Variants in ZNF292 observed in about 807,000 individuals in gnomAD.
ZNF292 encodes the protein zinc finger protein 292, also known as 16 zinc-finger domain protein.
ZNF292 carries 26 observed loss-of-function variants against 217.9 expected under a neutral mutation model. The ratio of observed to expected loss-of-function variants is 0.12; its 90% CI spans 0.09 to 0.17. The LOEUF is 0.17. Ranked by LOEUF, ZNF292 falls within the 10% of genes least tolerant of loss-of-function variation. ZNF292 has a pLI of 1.00. For synonymous variants in ZNF292, 1,257 were observed against 1,124.1 expected (o/e 1.12, Z -2.37); for missense variants, 2,904 against 3,175.2 (o/e 0.91, Z 2.05).
rs150291644 is a variant in ZNF292 at position 87,249,372 on chromosome 6, C to T, written c.1020+3728C>T. The T allele has an allele frequency of 7.7e-5, 33 of 428,998 alleles. 1 individual carries two copies. Among genetic ancestry groups the T allele is most frequent in the African/African-American group, 5.7e-4 (28 of 49,170 alleles). The allele number at this position is 428,998 out of a possible 1,614,324, so 26.6% of individuals were successfully genotyped here. A position where few individuals can be genotyped will look rare whatever the true frequency, so the allele number is the denominator to read the frequency against. On this transcript the variant is annotated intron_variant, in intron 7 of 7. Coordinates refer to ENST00000369577, the MANE Select transcript of ZNF292 (RefSeq NM_015021.3). Reference sequence around the variant, plus strand: ...CAACTCCTGGGCTCAAGTAATTCTCCGTGCCTTGGCCTTCCAAAGTGGTGG... The same window carrying T: ...CAACTCCTGGGCTCAAGTAATTCTCTGTGCCTTGGCCTTCCAAAGTGGTGG...
At chr6:87,221,182 C>T (rs1773067451) in intron 4 of ZNF292, among the ~76,000 whole-genome samples, 1 of 152,040 alleles carries the variant, frequency 6.6e-6, no homozygotes, top group Non-Finnish European at 1.5e-5. Context: ...GGACAGGACT[C>T]AAAGATACTG....
intron 1 of ZNF292, among the ~76,000 whole-genome samples, chr6:87,176,754 C>T (rs919468094): frequency 3.3e-5 from 5 of 152,156 alleles, no homozygotes; most frequent in Admixed American, 6.5e-5. Flanking sequence ...ACATACTCAT[C>T]TTCAGCAGTC....
intron 1 of ZNF292, among the ~76,000 whole-genome samples, chr6:87,202,356 TA>T (rs1380363182): frequency 6.6e-6 from 1 of 152,216 alleles, no homozygotes; most frequent in Non-Finnish European, 1.5e-5. Context: ...ACTGCTTTTT[TA>T]AAAAAATAGA....
intron 1 of ZNF292, among the ~76,000 whole-genome samples, chr6:87,166,289 T>G (rs779923849): frequency 6.6e-6 from 1 of 152,238 alleles, no homozygotes; most frequent in Non-Finnish European, 1.5e-5. Flanking sequence ...TTTACTGCCT[T>G]TGTGACTGCT....
chr6:87,167,646 T>TAAAAACA (rs746071342), intron 1 of ZNF292, among the ~76,000 whole-genome samples: 1 of 152,162 alleles, frequency 6.6e-6, no homozygotes, highest in African/African-American at 2.4e-5. Flanking sequence ...AACGCTGTCT[T>TAAAAACA]AAAAACAAAA....
At chr6:87,160,723 G>A (rs1770718129) in intron 1 of ZNF292, among the ~76,000 whole-genome samples, 1 of 151,604 alleles carries the variant, frequency 6.6e-6, no homozygotes, top group African/African-American at 2.4e-5. Flanking sequence ...CATATAAGCA[G>A]GGCTTCTCAA....
In ZNF292 at chr6:87,224,448, T is replaced by TAA. The variant is rs200524257; in HGVS notation, c.538+5727_538+5728dup. 1.0e-4 allele frequency among the ~76,000 whole-genome samples: 15 copies of TAA among 144,810 alleles called. No homozygotes were observed. In the South Asian group the frequency reaches 1.3e-3, roughly 13 times the overall value. ...TAGTATACATAGTAGTTTCACTCCCTAAAAAAAAAAACAACAAAAAAACTG... is the reference window on the plus strand; with the variant it reads ...TAGTATACATAGTAGTTTCACTCCCTAAAAAAAAAAAAACAACAAAAAAACTG... On this transcript the variant is annotated intron_variant, in intron 4 of 7. Coordinates refer to ENST00000369577, the MANE Select transcript of ZNF292 (RefSeq NM_015021.3).
At chr6:87,194,260 A>G (rs921540715) in intron 1 of ZNF292, among the ~76,000 whole-genome samples, 2 of 152,232 alleles carry the variant, frequency 1.3e-5, no homozygotes, top group Non-Finnish European at 2.9e-5. Flanking sequence ...GAATAAAATT[A>G]AATGTGAATA....
rs144536929 is a variant in ZNF292, at chr6:87,222,556, A to G, written c.538+3825A>G. 4.8e-3 allele frequency among the ~76,000 whole-genome samples: 736 copies of G among 152,226 alleles called. 3 individuals are homozygous for G. The highest frequency in any genetic ancestry group is 0.016 in the African/African-American group (647 of 41,536). ...TAGTCTGACCTAATTTATTTTTTAC[A>G]TAAAAGTTTTTATTTTAGAATAGTT... is the stretch of plus-strand genomic sequence containing the variant. On this transcript the variant is annotated intron_variant, in intron 4 of 7. Coordinates refer to ENST00000369577, the MANE Select transcript of ZNF292 (RefSeq NM_015021.3).
At chr6:87,215,882 T>G in intron 1 of ZNF292, 21 bp from the exon 2 acceptor site, 3 of 1,554,192 alleles carry the variant, frequency 1.9e-6, no homozygotes, top group Non-Finnish European at 2.6e-6. Flanking sequence ...TGAATACTTT[T>G]TATTATTCCT....
rs34271239 is a variant in ZNF292 at position 87,241,417 on chromosome 6, ATTTT to A, written c.742-2039_742-2036del. ...TTGTGATGAAGTGGAAAGAGCTTGG[ATTTT>A]TTTTTTTTTTTTTTTTTTGAGACCG... On this transcript the variant is annotated intron_variant, in intron 5 of 7. Coordinates refer to ENST00000369577, the MANE Select transcript of ZNF292 (RefSeq NM_015021.3). Among the ~76,000 whole-genome samples, 396 of 124,648 alleles carry A rather than the reference ATTTT, an allele frequency of 3.2e-3. 2 individuals are homozygous for A. Among genetic ancestry groups the A allele is most frequent in the African/African-American group, 0.011 (377 of 33,786 alleles). The allele number at this position is 124,648 out of a possible 152,430, so 81.8% of individuals were successfully genotyped here.
At chr6:87,197,588 T>C (rs924780697) in intron 1 of ZNF292, among the ~76,000 whole-genome samples, 2 of 148,378 alleles carry the variant, frequency 1.3e-5, no homozygotes, top group African/African-American at 5.2e-5. Context: ...TAAAAAAAAA[T>C]TAGCTGAGCC....
chr6:87,260,395 T>C lies in ZNF292; in HGVS notation c.6766T>C (p.Tyr2256His). The change falls in exon 8 of 8, where the codon TAC becomes CAC. Residue 2256 changes from tyrosine (Y) to histidine (H), a missense_variant. By Grantham distance (83) the Tyr-to-His change is moderately conservative. Transcript: ENST00000369577. ...AAGTAAAACAGAAGAAGATGGTGTATACAAATGTGATTGTGAAGGCTGTGA... is the reference window on the plus strand; with the variant it reads ...AAGTAAAACAGAAGAAGATGGTGTACACAAATGTGATTGTGAAGGCTGTGA... The part of the protein sequence containing the change: ...RASKTEEDGV[Y>H]KCDCEGCDRI... 6.2e-7 allele frequency: 1 copy of C among 1,613,616 alleles called. No individual in the cohort carries two copies. The highest frequency in any genetic ancestry group is 1.3e-5 in the African/African-American group (1 of 75,014).
At chr6:87,230,437 T>C (rs1241801781) in intron 4 of ZNF292, among the ~76,000 whole-genome samples, 1 of 152,092 alleles carries the variant, frequency 6.6e-6, no homozygotes, top group Non-Finnish European at 1.5e-5. Flanking sequence ...CCTTTTAATA[T>C]TATGAAAGTG....
intron 7 of ZNF292, among the ~76,000 whole-genome samples, chr6:87,246,767 G>A (rs1774609941): frequency 6.6e-6 from 1 of 152,092 alleles, no homozygotes; most frequent in African/African-American, 2.4e-5. Context: ...GAGGTGGGAG[G>A]ATGGCTTGAA....
intron 4 of ZNF292, among the ~76,000 whole-genome samples, chr6:87,232,877 A>G (rs1469290418): frequency 6.6e-6 from 1 of 152,092 alleles, no homozygotes; most frequent in Non-Finnish European, 1.5e-5. Context: ...TGAACAAAAT[A>G]TTAGTTGAAT....
chr6:87,256,783 G>A lies in ZNF292; in HGVS notation c.3154G>A (p.Asp1052Asn), dbSNP rs1427018222. The change falls in exon 8 of 8, where the codon GAT becomes AAT. Residue 1052 changes from aspartate (D) to asparagine (N), a missense_variant. By Grantham distance (23) the Asp-to-Asn change is conservative. Transcript: ENST00000369577. ...ACCAACTTCCAAATTTGAATGTGGA[G>A]ATAATGTTAAAACATCATCCAATCT... ...NLPTSKFECG[D>N]NVKTSSNLYN... 6 of 1,612,876 alleles carry A rather than the reference G, an allele frequency of 3.7e-6. No homozygotes were observed. The Admixed American group carries it at 1.0e-4, about 27-fold the overall frequency.
At chr6:87,192,462 C>A (rs1281209504) in intron 1 of ZNF292, among the ~76,000 whole-genome samples, 1 of 151,702 alleles carries the variant, frequency 6.6e-6, no homozygotes, top group African/African-American at 2.4e-5. Flanking sequence ...GCATGTTGTA[C>A]ATTCCAATAT....
Position 87,255,861 on chromosome 6 carries a change from C to T in ZNF292, c.2232C>T (p.His744=), listed in dbSNP as rs747269706. The change falls in exon 8 of 8, where the codon CAC becomes CAT. Residue 744 remains histidine (H), a synonymous_variant. Coordinates refer to ENST00000369577, the MANE Select transcript of ZNF292 (RefSeq NM_015021.3). ...VTHLNDHLQM[H]CGSKPYICIQ... ...ATCTCAATGATCACTTACAGATGCA[C>T]TGTGGCAGTAAACCATATATCTGTA... The T allele has an allele frequency of 2.0e-5, 33 of 1,613,638 alleles. No individual in the cohort carries two copies. Among genetic ancestry groups the T allele is most frequent in the Middle Eastern group, 1.6e-4 (1 of 6,084 alleles).
Sources: gnomAD v4.1 joint callset for allele counts (sites outside exome capture counted in the v4.1 genomes callset) on GRCh38, gnomAD v4.1.1 for gene constraint, MANE v1.5 for transcripts, NCBI Gene and HGNC (gene_info 2026-07-23, HGNC 2026-07-21) for gene names.